The following APOLD1 variants were observed in gnomAD, a reference collection of about 807,000 sequenced individuals.
APOLD1 encodes the protein apolipoprotein L domain containing 1.
APOLD1 carries 22 observed loss-of-function variants against 15.3 expected under a neutral mutation model. That is an observed-to-expected ratio of 1.44 (90% CI 1.03 to 2.05). APOLD1 has a LOEUF of 2.05. APOLD1 is among the 30% of genes most tolerant of loss of function. APOLD1 has a pLI of 0.00. For missense variants in APOLD1, 394 were observed against 353.5 expected, an observed-to-expected ratio of 1.11 and a Z score of -0.92; for synonymous variants, 190 against 167.4, an observed-to-expected ratio of 1.13 and a Z score of -1.04.
In APOLD1 at chr12:12,789,593, C is replaced by T. The variant is rs1947165655; in HGVS notation, c.*1941C>T. The stretch of plus-strand genomic sequence containing the variant: ...CAAGTTATGTCTTCTGGGTGACAGA[C>T]AAAATCGCTTGTCTTATGGTGGTGA... On this transcript the variant is annotated 3_prime_UTR_variant, in exon 2 of 2. Transcript: ENST00000356591. 6.6e-6 allele frequency: 1 copy of T among 152,204 alleles called. No homozygotes were observed. The highest frequency in any genetic ancestry group is 2.1e-4 in the South Asian group (1 of 4,828). The allele number at this position is 152,204 out of a possible 1,614,324, so 9.4% of individuals were successfully genotyped here.
rs1345858311 is a variant in APOLD1, at chr12:12,790,949, T to C, written c.*3297T>C. 1 of 152,232 alleles carries C rather than the reference T, an allele frequency of 6.6e-6. No individual in the cohort carries two copies. Among genetic ancestry groups the C allele is most frequent in the Non-Finnish European group, 1.5e-5 (1 of 68,036 alleles). The allele number at this position is 152,232 out of a possible 1,614,324, so 9.4% of individuals were successfully genotyped here. On this transcript the variant is annotated 3_prime_UTR_variant, in exon 2 of 2. Transcript: ENST00000356591. Reference sequence around the variant, plus strand: ...AGACGGGAGAGAGGTATTTAGATGATAAGTGTACTTCACAAAAATGCCAAA... The same window carrying C: ...AGACGGGAGAGAGGTATTTAGATGACAAGTGTACTTCACAAAAATGCCAAA...
chr12:12,730,058 G>A (rs866517596), intron 1 of APOLD1, among the ~76,000 whole-genome samples: 10,253 of 116,544 alleles, frequency 0.088, 715 homozygotes, highest in African/African-American at 0.22. Context: ...GTGTGTGTGT[G>A]TGTGTGTGTG....
At chr12:12,784,972 G>T (rs571145996), upstream of APOLD1, among the ~76,000 whole-genome samples, 5 of 152,330 alleles carry the variant, frequency 3.3e-5, no homozygotes, top group Admixed American at 2.6e-4. Context: ...TATTGTGGTT[G>T]AAAGTGTACA....
intron 1 of APOLD1, among the ~76,000 whole-genome samples, chr12:12,774,626 C>CA (rs1947017735): frequency 8.5e-6 from 1 of 117,604 alleles, no homozygotes; most frequent in East Asian, 2.7e-4. Context: ...GGAACCTGAA[C>CA]AAAAAATGGG....
chr12:12,738,074 C>G (rs754241831), intron 1 of APOLD1, among the ~76,000 whole-genome samples: 1 of 152,094 alleles, frequency 6.6e-6, no homozygotes, highest in South Asian at 2.1e-4. Context: ...GAACTTACAA[C>G]AAGGCCTGCA....
chr12:12,730,607 G>A (rs975084697), intron 1 of APOLD1, among the ~76,000 whole-genome samples: 2 of 150,112 alleles, frequency 1.3e-5, no homozygotes, highest in Middle Eastern at 3.2e-3. Flanking sequence ...CTTGAACCTG[G>A]GAGGCAGAGG....
intron 1 of APOLD1, among the ~76,000 whole-genome samples, chr12:12,750,877 C>T (rs777739392): frequency 1.1e-4 from 16 of 151,920 alleles, no homozygotes; most frequent in South Asian, 2.1e-4. Flanking sequence ...TGGGCTGAAG[C>T]GATCCTCCCA....
chr12:12,774,546 C>CAAAA (rs57343706), intron 1 of APOLD1, among the ~76,000 whole-genome samples: 275 of 42,238 alleles, frequency 6.5e-3, no homozygotes, highest in Middle Eastern at 0.023. Context: ...ACTCTAACTC[C>CAAAA]AAAAAAAAAA....
intron 1 of APOLD1, chr12:12,771,379 C>G: frequency 3.0e-6 from 1 of 327,938 alleles, no homozygotes; most frequent in Non-Finnish European, 5.9e-6. Flanking sequence ...GCAATGGCTA[C>G]AATAGCCATA....
chr12:12,726,019 C>T (rs1232815220), exon 1 of APOLD1: 1 of 1,526,242 alleles, frequency 6.6e-7, no homozygotes, highest in Non-Finnish European at 8.8e-7. Flanking sequence ...CGCGCCGTGT[C>T]ACCGGCTGCG....
chr12:12,776,003 C>CAAAAAAAAAAAAAAAAAAAAAA (rs34623976), intron 1 of APOLD1, among the ~76,000 whole-genome samples: 4 of 62,198 alleles, frequency 6.4e-5, no homozygotes, highest in Non-Finnish European at 8.5e-5. Context: ...GACCCAGTCT[C>CAAAAAAAAAAAAAAAAAAAAAA]AAAAAAAAAA....
chr12:12,765,436 CAT>C (rs1483393243), intron 1 of APOLD1, among the ~76,000 whole-genome samples: 1 of 152,000 alleles, frequency 6.6e-6, no homozygotes, highest in Admixed American at 6.6e-5. Context: ...CTATATTTTG[CAT>C]AAAAAGAAAG....
intron 1 of APOLD1, among the ~76,000 whole-genome samples, chr12:12,769,702 G>T (rs1346291933): frequency 2.0e-5 from 3 of 152,176 alleles, no homozygotes; most frequent in Non-Finnish European, 4.4e-5. Flanking sequence ...ACCTGCTGGG[G>T]TTTTATAACA....
At chr12:12,760,446 T>G (rs190736916) in intron 1 of APOLD1, among the ~76,000 whole-genome samples, 3 of 152,262 alleles carry the variant, frequency 2.0e-5, no homozygotes, top group Non-Finnish European at 4.4e-5. Flanking sequence ...GAGACCAGCC[T>G]GCCCAACATG....
intron 1 of APOLD1, among the ~76,000 whole-genome samples, chr12:12,743,080 T>C: frequency 6.6e-6 from 1 of 152,338 alleles, no homozygotes; most frequent in Non-Finnish European, 1.5e-5. Context: ...TTCGTTAATC[T>C]TGGTTGAGCT....
At chr12:12,758,692 G>A (rs759702760) in intron 1 of APOLD1, among the ~76,000 whole-genome samples, 2 of 152,104 alleles carry the variant, frequency 1.3e-5, no homozygotes, top group Admixed American at 6.5e-5. Flanking sequence ...AAGCACTTAC[G>A]TATTGTGGCC....
chr12:12,767,316 T>G (rs1946949696), intron 1 of APOLD1, among the ~76,000 whole-genome samples: 1 of 152,106 alleles, frequency 6.6e-6, no homozygotes, highest in African/African-American at 2.4e-5. Context: ...AACCACTGAT[T>G]GGAGTTATTC....
upstream of APOLD1, among the ~76,000 whole-genome samples, chr12:12,784,438 G>A (rs1395444925): frequency 1.3e-5 from 2 of 152,144 alleles, no homozygotes; most frequent in African/African-American, 4.8e-5. Context: ...ATCCTTTGAG[G>A]AGCTGTAACA....
intron 1 of APOLD1, among the ~76,000 whole-genome samples, chr12:12,736,925 TA>T (rs1565426257): frequency 4.6e-5 from 7 of 152,342 alleles, no homozygotes; most frequent in African/African-American, 1.7e-4. Context: ...TCCACCCCGC[TA>T]CCAGTCTTAG....
Sources: allele counts gnomAD v4.1 joint callset (sites outside exome capture counted in the v4.1 genomes callset), GRCh38; gene constraint gnomAD v4.1.1; transcripts MANE v1.5; gene names NCBI Gene and HGNC (gene_info 2026-07-23, HGNC 2026-07-21).